Variants in MED23 observed in about 807,000 individuals in gnomAD.
MED23 encodes mediator complex subunit 23.
Under a neutral mutation model 163.9 loss-of-function variants are expected in MED23, and 105 were observed. The observed-to-expected ratio is 0.64, with a 90% CI of 0.55 to 0.75. The LOEUF (loss-of-function observed/expected upper bound fraction) is 0.75, where lower values mean the gene tolerates loss of function less well. Ranked by LOEUF, MED23 falls within the 30% of genes least tolerant of loss-of-function variation. The probability of loss-of-function intolerance (pLI) is 0.00; values close to 1 mark genes in which losing one functional copy is unlikely to be tolerated. For synonymous variants in MED23, 561 were observed against 565.6 expected, an observed-to-expected ratio of 0.99 and a Z score of 0.12; for missense variants, 1,054 against 1,649.0, an observed-to-expected ratio of 0.64 and a Z score of 6.25.
At chr6:131,624,397 T>C (rs1777333615) in intron 4 of MED23, among the ~76,000 whole-genome samples, 1 of 152,166 alleles carries the variant, frequency 6.6e-6, no homozygotes, top group Non-Finnish European at 1.5e-5. Context: ...TAATCCCAGC[T>C]GAGGTTCCAG....
At chr6:131,596,487 G>C (rs762813257) in intron 21 of MED23, 31 bp downstream of exon 21, 4 of 1,610,220 alleles carry the variant, frequency 2.5e-6, no homozygotes, top group Non-Finnish European at 3.4e-6. Context: ...GCTTTAAAAG[G>C]ACTATTTGAA....
Position 131,628,131 on chromosome 6 carries a change from G to C in MED23, c.-82C>G. The C allele has an allele frequency of 6.6e-7, 1 of 1,504,966 alleles. No homozygotes were observed. Among genetic ancestry groups the C allele is most frequent in the Non-Finnish European group, 9.2e-7 (1 of 1,084,710 alleles). The allele number at this position is 1,504,966 out of a possible 1,614,324, so 93.2% of individuals were successfully genotyped here. A position where few individuals can be genotyped will look rare whatever the true frequency, so the allele number is the denominator to read the frequency against. ...GCTCTGGGAATATAGGGGCAGAGGG[G>C]CGGAGACCTCTGGAGGAAACCGTAG... On this transcript the variant is annotated 5_prime_UTR_variant, in exon 1 of 29. Transcript: ENST00000368068.
intron 26 of MED23, 107 bp from the exon 27 acceptor site, chr6:131,590,549 A>G (rs1774528172): frequency 2.8e-6 from 2 of 720,942 alleles, no homozygotes; most frequent in Middle Eastern, 4.1e-4. Context: ...AATTTTTTAA[A>G]GTTCCTTTTA....
intron 6 of MED23, 76 bp from the exon 7 acceptor site, chr6:131,620,805 T>TA: frequency 5.0e-6 from 1 of 199,304 alleles, no homozygotes; most frequent in South Asian, 1.3e-4. Flanking sequence ...ATTATCATTA[T>TA]TTTTTTTTTT....
At chr6:131,606,226 A>T (rs1392417929) in intron 13 of MED23, among the ~76,000 whole-genome samples, 1 of 152,166 alleles carries the variant, frequency 6.6e-6, no homozygotes, top group African/African-American at 2.4e-5. Flanking sequence ...AGTATAACAT[A>T]TACAACTGAA....
chr6:131,591,999 T>C (rs1394893784), intron 25 of MED23: 2 of 233,352 alleles, frequency 8.6e-6, no homozygotes, highest in African/African-American at 4.6e-5. Context: ...AAGAAAAATG[T>C]CTTATTCCCT....
intron 11 of MED23, among the ~76,000 whole-genome samples, chr6:131,609,698 CAT>C (rs553500921): frequency 1.0e-4 from 15 of 144,736 alleles, no homozygotes; most frequent in South Asian, 6.5e-4. Flanking sequence ...TATATACATA[CAT>C]ATATATATGT....
chr6:131,612,347 C>T (rs1432625262), intron 10 of MED23, among the ~76,000 whole-genome samples: 1 of 150,152 alleles, frequency 6.7e-6, no homozygotes, highest in East Asian at 1.9e-4. Context: ...GAATAATAAA[C>T]TGCTTTAGTT....
chr6:131,579,060 T>A (rs1023355192), intron 30 of MED23: 3 of 1,593,332 alleles, frequency 1.9e-6, no homozygotes, highest in Non-Finnish European at 2.6e-6. Flanking sequence ...CTACACAGAC[T>A]GATTTATAAT....
chr6:131,597,758 T>C (rs1775174699), intron 20 of MED23, among the ~76,000 whole-genome samples: 1 of 152,036 alleles, frequency 6.6e-6, no homozygotes, highest in Non-Finnish European at 1.5e-5. Flanking sequence ...TAGAACACAG[T>C]TGATATTCAA....
downstream of MED23, chr6:131,583,357 A>C (rs1360594253): frequency 6.2e-7 from 1 of 1,614,188 alleles, no homozygotes; most frequent in Admixed American, 1.7e-5. Flanking sequence ...CTTAAAAGAA[A>C]GAAAAGGCCA....
At chr6:131,627,548 T>G (rs1777602886) in intron 2 of MED23, 65 bp from the exon 3 acceptor site, 1 of 1,583,510 alleles carries the variant, frequency 6.3e-7, no homozygotes, top group East Asian at 2.2e-5. Flanking sequence ...ACAATCAGAA[T>G]AGTGGATCTT....
chr6:131,585,453 T>G (rs576256136), downstream of MED23, among the ~76,000 whole-genome samples: 1 of 152,220 alleles, frequency 6.6e-6, no homozygotes, highest in Non-Finnish European at 1.5e-5. Context: ...CTTTGAAAGA[T>G]AAACATTTTA....
rs137900280 is a variant in MED23, at chr6:131,621,086, G to A, written c.496-357C>T. On this transcript the variant is annotated intron_variant, in intron 6 of 28. Transcript: ENST00000368068. The stretch of plus-strand genomic sequence containing the variant: ...CAAAGCACTGGGATTACAGACATGC[G>A]CCACTGCATCTGGCCCATGTGAGCG... Among the ~76,000 whole-genome samples, 58 of 152,204 alleles carry A rather than the reference G, an allele frequency of 3.8e-4. 1 individual carries two copies. The highest frequency in any genetic ancestry group is 3.4e-3 in the Middle Eastern group (1 of 294).
intron 10 of MED23, among the ~76,000 whole-genome samples, chr6:131,613,080 CAAGA>C (rs143110120): frequency 0.17 from 25,772 of 151,858 alleles, 2,403 homozygotes; most frequent in East Asian, 0.33. Context: ...CTGCTTTAAC[CAAGA>C]AAGTTACCCA....
Position 131,600,014 on chromosome 6 carries a change from ATAAG to A in MED23, c.2220+20_2220+23del, listed in dbSNP as rs759344879. On this transcript the variant is annotated intron_variant, in intron 18 of 28. Coordinates refer to ENST00000368068, the MANE Select transcript of MED23 (RefSeq NM_004830.4). ...GGAAGAAGGATTTCATGTGCATTCA[ATAAG>A]TAATTCAAGACCAAATTACCTGTAG... 6.2e-7 allele frequency: 1 copy of A among 1,613,442 alleles called. No homozygotes were observed. Among genetic ancestry groups the A allele is most frequent in the East Asian group, 2.2e-5 (1 of 44,860 alleles).
rs989469229 is a variant in MED23 at position 131,587,358 on chromosome 6, C to T, written c.*321G>A. The T allele has an allele frequency of 2.0e-5, 23 of 1,132,322 alleles. No homozygotes were observed. In the East Asian group the frequency reaches 2.8e-4, roughly 14 times the overall value. The allele number at this position is 1,132,322 out of a possible 1,614,324, so 70.1% of individuals were successfully genotyped here. ...TAATAAAAAATACAAACAAAAACAA[C>T]GGCTAGAATAGGAAAGACTGAAAGT... is the stretch of plus-strand genomic sequence containing the variant. On this transcript the variant is annotated 3_prime_UTR_variant, in exon 29 of 29. Coordinates refer to ENST00000368068, the MANE Select transcript of MED23 (RefSeq NM_004830.4).
Position 131,598,586 on chromosome 6 carries a change from T to C in MED23, c.2396A>G (p.Glu799Gly). 6.2e-7 allele frequency: 1 copy of C among 1,614,110 alleles called. No homozygotes were observed. Among genetic ancestry groups the C allele is most frequent in the East Asian group, 2.2e-5 (1 of 44,864 alleles). The change falls in exon 19 of 29, where the codon GAA (glutamate) becomes GGA (glycine). Residue 799 changes from glutamate (E) to glycine (G), a missense_variant. Glu to Gly is a moderately conservative substitution (Grantham distance 98). Around this residue, in one of 11 missense-constraint regions of MED23, gnomAD observed 228 missense variants for 461.3 expected, o/e 0.49. Coordinates refer to ENST00000368068, the MANE Select transcript of MED23 (RefSeq NM_004830.4). This position sits in a 1 kb window ranked among gnomAD's most constrained non-coding sequence, Gnocchi z 4.7. ...GCCAATCTGATTAATATGATCTGTT[T>C]CCAAGAGCATTTTCCAGAGAAGACA... The part of the protein sequence containing the change: ...FLCLLWKMLL[E>G]TDHINQIGYR...
In MED23 at chr6:131,587,952, C is replaced by T. The variant is rs1022967026; in HGVS notation, c.3940-106G>A. 60 of 942,592 alleles carry T rather than the reference C, an allele frequency of 6.4e-5. 1 individual carries two copies. The highest frequency in any genetic ancestry group is 6.3e-4 in the Admixed American group (31 of 49,302). The allele number at this position is 942,592 out of a possible 1,614,324, so 58.4% of individuals were successfully genotyped here. On this transcript the variant is annotated intron_variant, in intron 28 of 28. Coordinates refer to ENST00000368068, the MANE Select transcript of MED23 (RefSeq NM_004830.4). ...CCGGAGACAATAAACTAAGGAGTGT[C>T]GTGGGGTAGATGAGAAGTTTCTTAA...
Sources: allele counts gnomAD v4.1 joint callset (sites outside exome capture counted in the v4.1 genomes callset), GRCh38; gene constraint gnomAD v4.1.1; regional missense constraint gnomAD v4.1.1; non-coding constraint Gnocchi (gnomAD v3.1); transcripts MANE v1.5; gene names NCBI Gene and HGNC (gene_info 2026-07-23, HGNC 2026-07-21).